MYH15: variants seen among roughly 807,000 people sequenced by gnomAD.
MYH15 encodes myosin heavy chain 15.
Under a neutral mutation model 240.5 loss-of-function variants are expected in MYH15, and 227 were observed. That is an observed-to-expected ratio of 0.94 (90% CI 0.85 to 1.05). The LOEUF (loss-of-function observed/expected upper bound fraction) is 1.05, where lower values mean the gene tolerates loss of function less well. Among genes scored for constraint, MYH15 ranks in the 50% least tolerant of loss-of-function variants. The probability of loss-of-function intolerance (pLI) is 0.00; values close to 1 mark genes in which losing one functional copy is unlikely to be tolerated. For missense variants in MYH15, 2,217 were observed against 2,247.5 expected (o/e 0.99, Z 0.27); for synonymous variants, 785 against 796.7 (o/e 0.99, Z 0.25).
At chr3:108,456,326 C>T (rs1415308396) in intron 19 of MYH15, among the ~76,000 whole-genome samples, 1 of 152,060 alleles carries the variant, frequency 6.6e-6, no homozygotes, top group Non-Finnish European at 1.5e-5. Flanking sequence ...ATTTGATGAC[C>T]TATAATTTAA....
chr3:108,495,734 C>T (rs772733581), intron 7 of MYH15, 46 bp downstream of exon 7: 22 of 1,472,350 alleles, frequency 1.5e-5, no homozygotes, highest in Admixed American at 5.3e-5. Flanking sequence ...TTTACCATTG[C>T]TTACAAATTA....
chr3:108,441,171 C>T lies in MYH15; in HGVS notation c.2745G>A (p.Ser915=), dbSNP rs375408637. Residue 915 remains serine (S), a synonymous_variant, in exon 23 of 41, where the codon TCG becomes TCA. Transcript: ENST00000693548. ...TCTCCTCTTCTTCCTCCACCCTCTC[C>T]GACAGCTCCTTTACTCTGGCCTCCA... ...IQLEARVKEL[S]ERVEEEEEIN... is the part of the protein sequence containing the mutation. The T allele has an allele frequency of 5.6e-5, 90 of 1,614,020 alleles. No individual in the cohort carries two copies. The highest frequency in any genetic ancestry group is 1.6e-4 in the Middle Eastern group (1 of 6,082).
intron 24 of MYH15, among the ~76,000 whole-genome samples, chr3:108,438,232 C>A (rs2082857624): frequency 6.6e-6 from 1 of 152,186 alleles, no homozygotes; most frequent in South Asian, 2.1e-4. Context: ...TCATGATTTC[C>A]AAGCCCCGTC....
Position 108,381,401 on chromosome 3 carries a change from A to G in MYH15, c.*144T>C, listed in dbSNP as rs1475126274. Reference sequence around the variant, plus strand: ...GGAAGCAATGATATTCCCTTTAATTATTTTTCTAATTGCCTTGTTTATATG... The same window carrying G: ...GGAAGCAATGATATTCCCTTTAATTGTTTTTCTAATTGCCTTGTTTATATG... On this transcript the variant is annotated 3_prime_UTR_variant, in exon 41 of 41. Transcript: ENST00000693548. 1.1e-6 allele frequency: 1 copy of G among 943,942 alleles called. No individual in the cohort carries two copies. Among genetic ancestry groups the G allele is most frequent in the African/African-American group, 1.6e-5 (1 of 61,384 alleles). 58.5% of individuals were successfully genotyped at this position (943,942 alleles called of 1,614,324 possible). A position where few individuals can be genotyped will look rare whatever the true frequency, so the allele number is the denominator to read the frequency against.
At chr3:108,432,767 A>C (rs748265517) in intron 25 of MYH15, among the ~76,000 whole-genome samples, 11 of 152,284 alleles carry the variant, frequency 7.2e-5, no homozygotes, top group Non-Finnish European at 8.8e-5. Context: ...CCTGGTATGG[A>C]GCCTACGAGT....
intron 37 of MYH15, among the ~76,000 whole-genome samples, chr3:108,391,035 C>T (rs192753939): frequency 6.6e-6 from 1 of 152,258 alleles, no homozygotes; most frequent in Admixed American, 6.5e-5. Context: ...CCACATTGCC[C>T]TCACTGTATG....
At chr3:108,400,123 C>T (rs6789290) in intron 33 of MYH15, among the ~76,000 whole-genome samples, 71,411 of 151,946 alleles carry the variant, frequency 0.47, 16,962 homozygotes, top group Non-Finnish European at 0.5. Flanking sequence ...AGATCCTGCA[C>T]TCTCCCTTCC....
chr3:108,408,229 ATCT>A (rs1242307067), intron 32 of MYH15, 48 bp downstream of exon 32: 4 of 1,572,332 alleles, frequency 2.5e-6, no homozygotes, highest in Non-Finnish European at 3.4e-6. Context: ...CTGAATGCAG[ATCT>A]TCTGCCTTGT....
chr3:108,413,146 T>C (rs981603503), intron 30 of MYH15, among the ~76,000 whole-genome samples: 2 of 152,182 alleles, frequency 1.3e-5, no homozygotes, highest in Non-Finnish European at 2.9e-5. Flanking sequence ...TCTTCAATCA[T>C]TAGAAGGGGG....
the MYH15 span, among the ~76,000 whole-genome samples, chr3:108,541,435 TAAA>T: frequency 6.6e-6 from 1 of 150,970 alleles, no homozygotes; most frequent in Admixed American, 6.6e-5. Flanking sequence ...ATGTACTTAC[TAAA>T]GATCATCAGG....
chr3:108,502,163 T>G (rs775786628), intron 2 of MYH15, among the ~76,000 whole-genome samples: 16 of 152,186 alleles, frequency 1.1e-4, no homozygotes, highest in Non-Finnish European at 2.1e-4. Context: ...GATCATATTA[T>G]GTACAATCTA....
intron 30 of MYH15, among the ~76,000 whole-genome samples, chr3:108,412,068 G>C (rs2082597913): frequency 1.3e-5 from 2 of 152,238 alleles, no homozygotes; most frequent in South Asian, 4.1e-4. Context: ...AGAAATGCTT[G>C]TTGATAAAAT....
rs2083013676 is a variant in MYH15, at chr3:108,455,746, C to A, written c.2252G>T (p.Gly751Val). ...LEIDHTQYRF[G>V]ITKVFFKAGF... The stretch of plus-strand genomic sequence containing the variant: ...CAGTTTTCTGGTTACCTTAGTGATT[C>A]CAAATCGGTACTGGGTATGGTCTAT... Residue 751 changes from glycine (G) to valine (V), a missense_variant, in exon 20 of 41, where the codon GGA becomes GTA. By Grantham distance (109) the Gly-to-Val change is moderately radical. Coordinates refer to ENST00000693548, the MANE Select transcript of MYH15 (RefSeq NM_014981.3). 6.2e-7 allele frequency: 1 copy of A among 1,613,690 alleles called. No homozygotes were observed. Among genetic ancestry groups the A allele is most frequent in the Admixed American group, 1.7e-5 (1 of 59,982 alleles).
intron 35 of MYH15, among the ~76,000 whole-genome samples, chr3:108,396,012 G>A (rs1320616032): frequency 6.6e-6 from 1 of 152,110 alleles, no homozygotes; most frequent in African/African-American, 2.4e-5. Context: ...TAGTGGATCT[G>A]GGGTGAGATC....
At chr3:108,541,078 T>C in the MYH15 span, among the ~76,000 whole-genome samples, 1,998 of 152,154 alleles carry the variant, frequency 0.013, 45 homozygotes, top group African/African-American at 0.046. Context: ...AGATACACTA[T>C]GTTTTAGAAA....
At position 108,499,566 on chromosome 3, in the gene MYH15, A is replaced by G. The variant is rs2083421038; in HGVS notation, c.497-84T>C. The G allele has an allele frequency of 1.1e-5, 14 of 1,319,272 alleles. No individual in the cohort carries two copies. The South Asian group carries it at 1.4e-4, about 13-fold the overall frequency. The allele number at this position is 1,319,272 out of a possible 1,614,324, so 81.7% of individuals were successfully genotyped here. ...GAACTTACTCAAAATTTCCCTAGCT[A>G]CAATTTGAAATCAGACACAAGGGAA... On this transcript the variant is annotated intron_variant, in intron 4 of 40. Coordinates refer to ENST00000693548, the MANE Select transcript of MYH15 (RefSeq NM_014981.3).
intron 14 of MYH15, among the ~76,000 whole-genome samples, chr3:108,466,226 C>T (rs1355898427): frequency 6.6e-6 from 1 of 152,112 alleles, no homozygotes; most frequent in African/African-American, 2.4e-5. Flanking sequence ...ATAAGATATG[C>T]GTCAAATTTA....
In MYH15 at chr3:108,411,012, A is replaced by G. The variant is rs193007104; in HGVS notation, c.4146-80T>C. ...ATCAAGTCTGCCCTGGATTAAAGAT[A>G]GAGCTTGGGTGCAAAGTAAGATGGC... On this transcript the variant is annotated intron_variant, in intron 30 of 40. Transcript: ENST00000693548. The G allele has an allele frequency of 2.4e-3, 2,934 of 1,229,646 alleles. 15 individuals carry two copies. Among genetic ancestry groups the G allele is most frequent in the Middle Eastern group, 0.018 (82 of 4,658 alleles). 76.2% of individuals were successfully genotyped at this position (1,229,646 alleles called of 1,614,324 possible).
Position 108,496,145 on chromosome 3 carries a change from G to A in MYH15, c.619-273C>T, listed in dbSNP as rs535992886. Among the ~76,000 whole-genome samples the A allele has an allele frequency of 3.9e-5, 6 of 152,284 alleles. No individual in the cohort carries two copies. In the South Asian group the frequency reaches 1.2e-3, roughly 32 times the overall value. On this transcript the variant is annotated intron_variant, in intron 6 of 40. Transcript: ENST00000693548. Reference sequence around the variant, plus strand: ...GTTGGCATTGGCCTGAGGGGGAAAAGCAAATGGTCACCAAATAAAAAAGAA... The same window carrying A: ...GTTGGCATTGGCCTGAGGGGGAAAAACAAATGGTCACCAAATAAAAAAGAA...
Sources: gnomAD v4.1 joint callset for allele counts (sites outside exome capture counted in the v4.1 genomes callset) on GRCh38, gnomAD v4.1.1 for gene constraint, MANE v1.5 for transcripts, NCBI Gene and HGNC (gene_info 2026-07-23, HGNC 2026-07-21) for gene names.